Variants in ZDHHC13 observed in about 807,000 individuals in gnomAD.
ZDHHC13 encodes palmitoyltransferase ZDHHC13.
ZDHHC13 carries 85 observed loss-of-function variants against 86.0 expected under a neutral mutation model. The observed-to-expected ratio is 0.99, with a 90% confidence interval of 0.83 to 1.18. The LOEUF (loss-of-function observed/expected upper bound fraction) is 1.18. Ranked by LOEUF, ZDHHC13 falls within the 50% of genes most tolerant of loss-of-function variation. The pLI, the probability that ZDHHC13 is intolerant of heterozygous loss-of-function variation, is 0.00. For missense variants in ZDHHC13, 711 were observed against 730.2 expected, an observed-to-expected ratio of 0.97 and a Z score of 0.30; for synonymous variants, 263 against 246.4, an observed-to-expected ratio of 1.07 and a Z score of -0.63.
intron 9 of ZDHHC13, among the ~76,000 whole-genome samples, chr11:19,158,279 G>T (rs1849812923): frequency 6.6e-6 from 1 of 152,076 alleles, no homozygotes; most frequent in South Asian, 2.1e-4. Flanking sequence ...TAAGATGACT[G>T]TGGTGAGTAT....
At chr11:19,147,772 T>TCC (rs146892489) in intron 4 of ZDHHC13, 99 bp downstream of exon 4, 104,486 of 398,618 alleles carry the variant, frequency 0.26, 12,226 homozygotes, top group Admixed American at 0.39. Context: ...TGTCTTTTCT[T>TCC]CCCCCCCCCC....
Position 19,155,823 on chromosome 11 carries a change from A to G in ZDHHC13, c.901A>G (p.Ile301Val). The G allele has an allele frequency of 1.2e-6, 2 of 1,612,428 alleles. No homozygotes were observed. The highest frequency in any genetic ancestry group is 1.7e-6 in the Non-Finnish European group (2 of 1,179,640). ...CTTCCTGCTGCTGATGCTTTCTGTG[A>G]TTACCATGTGGGCTATTGGATACAT... ...ELFLLLMLSV[I>V]TMWAIGYILD... The change falls in exon 9 of 17, where the codon ATT (isoleucine) becomes GTT (valine). Residue 301 changes from isoleucine (I) to valine (V), a missense_variant. Physicochemically the swap from Ile to Val is conservative, Grantham distance 29 (BLOSUM62 3). Coordinates refer to ENST00000446113, the MANE Select transcript of ZDHHC13 (RefSeq NM_019028.3).
At position 19,131,572 on chromosome 11, in the gene ZDHHC13, C is replaced by T. The variant is rs116734992; in HGVS notation, c.28-11406C>T. On this transcript the variant is annotated intron_variant, in intron 1 of 16. Transcript: ENST00000446113. ...GTTGTTTCTTCAATTTAAATGGTCT[C>T]TTCTTCTATACTGTTTAATCTGCTG... Among the ~76,000 whole-genome samples, 1,034 of 152,044 alleles carry T rather than the reference C, an allele frequency of 6.8e-3. 9 individuals are homozygous for T. The highest frequency in any genetic ancestry group is 0.024 in the African/African-American group (975 of 41,480).
intron 13 of ZDHHC13, among the ~76,000 whole-genome samples, chr11:19,166,007 A>G (rs1337189084): frequency 2.0e-5 from 3 of 152,242 alleles, no homozygotes; most frequent in South Asian, 4.1e-4. Flanking sequence ...TCTTCCTTCC[A>G]TCACAGAATA....
chr11:19,123,160 G>A (rs1010419623), intron 1 of ZDHHC13, among the ~76,000 whole-genome samples: 1 of 152,114 alleles, frequency 6.6e-6, no homozygotes, highest in Admixed American at 6.6e-5. Flanking sequence ...ATTAATTGCC[G>A]ACTAAACAAA....
At chr11:19,159,100 A>G in intron 10 of ZDHHC13, 60 bp downstream of exon 10, 1 of 1,228,870 alleles carries the variant, frequency 8.1e-7, no homozygotes, top group South Asian at 1.4e-5. Flanking sequence ...GAGTAATGTT[A>G]TTGTTAGGAA....
intron 11 of ZDHHC13, 57 bp from the exon 12 acceptor site, chr11:19,164,244 A>G (rs1756948342): frequency 6.4e-7 from 1 of 1,557,624 alleles, no homozygotes; most frequent in South Asian, 1.1e-5. Context: ...GTGTATAACC[A>G]TGCATAATAC....
chr11:19,159,602 T>C (rs1028210830), intron 10 of ZDHHC13, among the ~76,000 whole-genome samples: 1 of 150,410 alleles, frequency 6.6e-6, no homozygotes, highest in Non-Finnish European at 1.5e-5. Flanking sequence ...ATTTCCTTTT[T>C]AAAAAATTTT....
chr11:19,165,175 G>A, intron 13 of ZDHHC13, 30 bp downstream of exon 13: 1 of 1,584,366 alleles, frequency 6.3e-7, no homozygotes. Context: ...AATTACTACT[G>A]TGAAGTTAAG....
At chr11:19,137,780 T>C (rs1408952228) in intron 1 of ZDHHC13, among the ~76,000 whole-genome samples, 8 of 149,096 alleles carry the variant, frequency 5.4e-5, no homozygotes, top group South Asian at 2.1e-4. Context: ...CTCAACTACA[T>C]GGAAACTGAA....
In ZDHHC13 at chr11:19,146,379, T is replaced by C; in HGVS notation, c.296+76T>C. On this transcript the variant is annotated intron_variant, in intron 3 of 16. Transcript: ENST00000446113. ...CTTCATTTATCTTTTTCTTTAAGTA[T>C]GGGTATTGAACCATGTGTAATCCTC... 9.8e-6 allele frequency: 15 copies of C among 1,523,918 alleles called. No homozygotes were observed. In the South Asian group the frequency reaches 1.9e-4, roughly 20 times the overall value. The allele number at this position is 1,523,918 out of a possible 1,614,324, so 94.4% of individuals were successfully genotyped here.
intron 3 of ZDHHC13, 78 bp from the exon 4 acceptor site, chr11:19,147,518 T>A: frequency 8.0e-7 from 1 of 1,254,554 alleles, no homozygotes. Context: ...TTTATTACTA[T>A]GAAAAAATTA....
At position 19,155,930 on chromosome 11, in the gene ZDHHC13, G is replaced by A. The variant is rs904738811; in HGVS notation, c.1007+1G>A. On this transcript the variant is annotated splice_donor_variant, in intron 9 of 16. Coordinates refer to ENST00000446113, the MANE Select transcript of ZDHHC13 (RefSeq NM_019028.3). LOFTEE classifies it high-confidence loss of function. ...TTTTTCTGACATCTTTGTTTCCAAG[G>A]TGTGTATGTTAATTTTTGCAAGGCT... is the stretch of plus-strand genomic sequence containing the variant. The A allele has an allele frequency of 3.1e-6, 5 of 1,597,068 alleles. No individual in the cohort carries two copies. The highest frequency in any genetic ancestry group is 4.3e-6 in the Non-Finnish European group (5 of 1,176,094).
In ZDHHC13 at chr11:19,145,565, C is replaced by G. The variant is rs143776869; in HGVS notation, c.174-616C>G. Among the ~76,000 whole-genome samples the G allele has an allele frequency of 1.1e-4, 17 of 152,310 alleles. No individual in the cohort carries two copies. The East Asian group carries it at 3.3e-3, about 29-fold the overall frequency. ...TCATGTCTCACCATTCCCTCTCATGCTTTATGCTTTAGCAATGTTAAATTG... is the reference window on the plus strand; with the variant it reads ...TCATGTCTCACCATTCCCTCTCATGGTTTATGCTTTAGCAATGTTAAATTG... On this transcript the variant is annotated intron_variant, in intron 2 of 16. Transcript: ENST00000446113.
intron 10 of ZDHHC13, among the ~76,000 whole-genome samples, chr11:19,159,643 C>T (rs191538916): frequency 8.1e-4 from 123 of 152,008 alleles, no homozygotes; most frequent in South Asian, 6.2e-3. Context: ...TTTCATGACT[C>T]ACTAATGAAT....
rs189752595 is a variant in ZDHHC13, at chr11:19,164,928, A to T, written c.1297-124A>T. ...TAAGGCATTCCACAGCCTCTGTGTGAATTGATGGTCTGTTTAGGATTTGTG... is the reference window on the plus strand; with the variant it reads ...TAAGGCATTCCACAGCCTCTGTGTGTATTGATGGTCTGTTTAGGATTTGTG... On this transcript the variant is annotated intron_variant, in intron 12 of 16. Coordinates refer to ENST00000446113, the MANE Select transcript of ZDHHC13 (RefSeq NM_019028.3). 3.5e-3 allele frequency: 2,469 copies of T among 712,922 alleles called. 9 individuals carry two copies. Among genetic ancestry groups the T allele is most frequent in the Middle Eastern group, 0.014 (60 of 4,180 alleles). The allele number at this position is 712,922 out of a possible 1,614,324, so 44.2% of individuals were successfully genotyped here. A position where few individuals can be genotyped will look rare whatever the true frequency, so the allele number is the denominator to read the frequency against.
At chr11:19,140,460 T>G (rs1255849622) in intron 1 of ZDHHC13, among the ~76,000 whole-genome samples, 1 of 152,200 alleles carries the variant, frequency 6.6e-6, no homozygotes, top group Non-Finnish European at 1.5e-5. Flanking sequence ...ACTTTTCAAC[T>G]TTTGGTGGGA....
intron 1 of ZDHHC13, among the ~76,000 whole-genome samples, chr11:19,135,389 A>T (rs1052088591): frequency 6.6e-6 from 1 of 152,224 alleles, no homozygotes; most frequent in Non-Finnish European, 1.5e-5. Flanking sequence ...GCGCACCAGG[A>T]GATTATATCC....
intron 14 of ZDHHC13, chr11:19,167,337 A>G (rs1362746518): frequency 6.6e-6 from 1 of 152,174 alleles, no homozygotes; most frequent in African/African-American, 2.4e-5. Flanking sequence ...TCCCCTTAGC[A>G]TCATAAGCCC....
Sources: gnomAD v4.1 joint callset for allele counts (sites outside exome capture counted in the v4.1 genomes callset) on GRCh38, gnomAD v4.1.1 for gene constraint, MANE v1.5 for transcripts, NCBI Gene and HGNC (gene_info 2026-07-23, HGNC 2026-07-21) for gene names.